Variants in SMARCA5 observed in about 807,000 individuals in gnomAD.
SMARCA5 encodes SWI/SNF-related matrix-associated actin-dependent regulator of chromatin subfamily A member 5.
A neutral mutation model predicts 140.4 loss-of-function variants in SMARCA5; 18 were observed. The observed-to-expected ratio is 0.13, with a 90% CI of 0.09 to 0.19. The LOEUF (loss-of-function observed/expected upper bound fraction) is 0.19. Ranked by LOEUF, SMARCA5 falls within the 10% of genes least tolerant of loss-of-function variation. SMARCA5 has a pLI of 1.00. For missense variants in SMARCA5, 606 were observed against 1,276.8 expected, an observed-to-expected ratio of 0.47 and a Z score of 8.01; for synonymous variants, 449 against 419.6, an observed-to-expected ratio of 1.07 and a Z score of -0.86.
chr4:143,526,242 C>T (rs780062770), intron 5 of SMARCA5, 39 bp from the exon 6 acceptor site: 2 of 1,520,894 alleles, frequency 1.3e-6, no homozygotes, highest in Non-Finnish European at 1.8e-6. Context: ...ATAATATTTT[C>T]ATTTTTCACT....
Position 143,554,606 on chromosome 4 carries a change from A to G in SMARCA5, c.*1422A>G, listed in dbSNP as rs1737711767. ...CTGCTGTTAATGTCAAGCAAAACGC[A>G]GTATTTATGGCAAATTGTAAAGTAA... On this transcript the variant is annotated 3_prime_UTR_variant, in exon 24 of 24. Coordinates refer to ENST00000283131, the MANE Select transcript of SMARCA5 (RefSeq NM_003601.4). 1 of 152,628 alleles carries G rather than the reference A, an allele frequency of 6.6e-6. No homozygotes were observed. The highest frequency in any genetic ancestry group is 2.4e-5 in the African/African-American group (1 of 41,454). The allele number at this position is 152,628 out of a possible 1,614,324, so 9.5% of individuals were successfully genotyped here.
intron 1 of SMARCA5, among the ~76,000 whole-genome samples, chr4:143,516,205 ATTT>A (rs60061501): frequency 0.24 from 30,333 of 124,504 alleles, 3,366 homozygotes; most frequent in East Asian, 0.59. Flanking sequence ...GCATTCATGA[ATTT>A]TTTTTTTTTT....
rs751158304 is a variant in SMARCA5 at position 143,543,815 on chromosome 4, T to C, written c.2053-38T>C. The C allele has an allele frequency of 2.5e-6, 4 of 1,576,052 alleles. No homozygotes were observed. In the East Asian group the frequency reaches 9.0e-5, roughly 35 times the overall value. ...TTGACTGCAGTTTTCATGCTTTCTT[T>C]GCTGTGAATCTAAGAAGCTGATTGT... On this transcript the variant is annotated intron_variant, in intron 15 of 23. Transcript: ENST00000283131.
intron 8 of SMARCA5, among the ~76,000 whole-genome samples, chr4:143,530,146 T>C (rs1050001711): frequency 1.3e-5 from 2 of 152,226 alleles, no homozygotes; most frequent in Non-Finnish European, 2.9e-5. Flanking sequence ...TTCAAGCTTT[T>C]ATGAAACTTG....
At chr4:143,530,010 A>T (rs145999394) in intron 8 of SMARCA5, among the ~76,000 whole-genome samples, 1 of 152,190 alleles carries the variant, frequency 6.6e-6, no homozygotes, top group Non-Finnish European at 1.5e-5. Flanking sequence ...ATCGTAACCA[A>T]ATATTAATGA....
In SMARCA5 at chr4:143,526,569, A is replaced by G. The variant is rs1737075242; in HGVS notation, c.801+109A>G. On this transcript the variant is annotated intron_variant, in intron 6 of 23. Coordinates refer to ENST00000283131, the MANE Select transcript of SMARCA5 (RefSeq NM_003601.4). ...TAAATGAGACGGGATCTTCGCAAAT[A>G]TTAGTATTTACAAATGTAGCATTGT... 5 of 719,772 alleles carry G rather than the reference A, an allele frequency of 6.9e-6. No individual in the cohort carries two copies. In the East Asian group the frequency reaches 1.0e-4, roughly 15 times the overall value. 44.6% of individuals were successfully genotyped at this position (719,772 alleles called of 1,614,324 possible). A position where few individuals can be genotyped will look rare whatever the true frequency, so the allele number is the denominator to read the frequency against.
chr4:143,548,008 A>G lies in SMARCA5; in HGVS notation c.2853A>G (p.Glu951=). Residue 951 remains glutamate, a synonymous_variant, in exon 22 of 24, where the codon GAA becomes GAG. Coordinates refer to ENST00000283131, the MANE Select transcript of SMARCA5 (RefSeq NM_003601.4). ...TNKGKNYTEE[E]DRFLICMLHK... is the part of the protein sequence containing the mutation. The stretch of plus-strand genomic sequence containing the variant: ...AAGGAAAAAACTATACTGAAGAAGA[A>G]GATCGTTTTCTGATTTGTATGCTTC... The G allele has an allele frequency of 6.2e-7, 1 of 1,610,926 alleles. No homozygotes were observed. The highest frequency in any genetic ancestry group is 8.5e-7 in the Non-Finnish European group (1 of 1,177,340).
Position 143,555,051 on chromosome 4 carries a change from C to G in SMARCA5, c.*1867C>G. The G allele has an allele frequency of 1.8e-6, 1 of 560,904 alleles. No individual in the cohort carries two copies. Among genetic ancestry groups the G allele is most frequent in the Admixed American group, 2.2e-5 (1 of 44,776 alleles). 34.7% of individuals were successfully genotyped at this position (560,904 alleles called of 1,614,324 possible). On this transcript the variant is annotated 3_prime_UTR_variant, in exon 24 of 24. Coordinates refer to ENST00000283131, the MANE Select transcript of SMARCA5 (RefSeq NM_003601.4). The stretch of plus-strand genomic sequence containing the variant: ...TCCCTGTCACTTCTCTGGCTTTCCT[C>G]TCCCGCTAAGCTTTTGTTTCCTGGC...
At chr4:143,540,537 A>G (rs1214439153) in intron 14 of SMARCA5, 42 bp downstream of exon 14, 23 of 1,568,730 alleles carry the variant, frequency 1.5e-5, no homozygotes, top group Non-Finnish European at 2.0e-5. Flanking sequence ...TTGGATTGAC[A>G]CAACCTGTTT....
chr4:143,524,216 T>C (rs1028871589), intron 3 of SMARCA5, 151 bp from the exon 4 acceptor site: 15 of 501,902 alleles, frequency 3.0e-5, no homozygotes, highest in Non-Finnish European at 3.3e-5. Flanking sequence ...CAGATTTAAA[T>C]GTACTCATAT....
chr4:143,555,664 T>C lies in SMARCA5; in HGVS notation c.*2480T>C, dbSNP rs893952986. 1 of 232,258 alleles carries C rather than the reference T, an allele frequency of 4.3e-6. No individual in the cohort carries two copies. The highest frequency in any genetic ancestry group is 2.3e-5 in the African/African-American group (1 of 42,808). The allele number at this position is 232,258 out of a possible 1,614,324, so 14.4% of individuals were successfully genotyped here. A position where few individuals can be genotyped will look rare whatever the true frequency, so the allele number is the denominator to read the frequency against. ...TTATAAAGTGTAATTATTACTACTT[T>C]TAAGAGACAGGGTCTTGCTCTGTCA... On this transcript the variant is annotated 3_prime_UTR_variant, in exon 24 of 24. Transcript: ENST00000283131.
intron 11 of SMARCA5, 66 bp downstream of exon 11, chr4:143,536,744 C>T (rs955970430): frequency 3.5e-6 from 4 of 1,131,850 alleles, no homozygotes; most frequent in South Asian, 1.3e-5. Flanking sequence ...CAAAGGAGCA[C>T]TGTACTTTGA....
chr4:143,519,737 C>T (rs1212433671), intron 2 of SMARCA5, among the ~76,000 whole-genome samples: 12 of 152,092 alleles, frequency 7.9e-5, no homozygotes, highest in Non-Finnish European at 1.8e-4. Context: ...CTTCAGAAAA[C>T]TAAATACTAG....
intron 9 of SMARCA5, 93 bp from the exon 10 acceptor site, chr4:143,534,762 C>A (rs923289897): frequency 3.5e-6 from 3 of 861,230 alleles, no homozygotes; most frequent in African/African-American, 3.5e-5. Context: ...AGAGAAATTT[C>A]TTTTTCATGT....
chr4:143,514,406 G>C (rs1736778733), intron 1 of SMARCA5: 1 of 332,726 alleles, frequency 3.0e-6, no homozygotes, highest in Non-Finnish European at 5.5e-6. Context: ...GGGACCCATC[G>C]TTTTTTTCCC....
chr4:143,546,323 A>G (rs541738861), intron 19 of SMARCA5, among the ~76,000 whole-genome samples: 2 of 152,130 alleles, frequency 1.3e-5, no homozygotes, highest in Admixed American at 6.5e-5. Flanking sequence ...AATTTTCCAC[A>G]TTGCTACCCA....
At chr4:143,545,814 C>G in intron 18 of SMARCA5, 111 bp from the exon 19 acceptor site, 1 of 988,042 alleles carries the variant, frequency 1.0e-6, no homozygotes, top group Non-Finnish European at 1.6e-6. Flanking sequence ...TGCAATGTAT[C>G]AGTATATTTT....
intron 23 of SMARCA5, among the ~76,000 whole-genome samples, chr4:143,552,279 A>G (rs1006717606): frequency 6.6e-6 from 1 of 152,060 alleles, no homozygotes; most frequent in Non-Finnish European, 1.5e-5. Context: ...TATGAGTTCT[A>G]ATAGTTTTTT....
chr4:143,552,862 TC>T (rs1347107292), intron 23 of SMARCA5, among the ~76,000 whole-genome samples: 3 of 152,026 alleles, frequency 2.0e-5, no homozygotes, highest in Admixed American at 2.0e-4. Context: ...TTGATATTGA[TC>T]TACTACTGTT....
Sources: allele counts gnomAD v4.1 joint callset (sites outside exome capture counted in the v4.1 genomes callset), GRCh38; gene constraint gnomAD v4.1.1; transcripts MANE v1.5; gene names NCBI Gene and HGNC (gene_info 2026-07-23, HGNC 2026-07-21).